Variants in CNTN5 observed in about 807,000 individuals in gnomAD.
CNTN5 encodes the protein contactin-5.
A neutral mutation model predicts 129.1 loss-of-function variants in CNTN5; 77 were observed. The ratio of observed to expected loss-of-function variants is 0.60; its 90% CI spans 0.50 to 0.72. The LOEUF is 0.72. Among genes scored for constraint, CNTN5 ranks in the 30% least tolerant of loss-of-function variants. The pLI, the probability that CNTN5 is intolerant of heterozygous loss-of-function variation, is 0.00. For synonymous variants in CNTN5, 509 were observed against 465.6 expected (o/e 1.09, Z -1.20); for missense variants, 1,478 against 1,328.8 (o/e 1.11, Z -1.75).
At chr11:99,721,134 ATTAT>A (rs1353818343) in intron 3 of CNTN5, among the ~76,000 whole-genome samples, 3 of 152,166 alleles carry the variant, frequency 2.0e-5, no homozygotes, top group Admixed American at 1.3e-4. Context: ...ACTAGAGAAA[ATTAT>A]TTTAAAATTC....
At chr11:99,600,609 G>A (rs1185254202) in intron 3 of CNTN5, among the ~76,000 whole-genome samples, 1 of 151,990 alleles carries the variant, frequency 6.6e-6, no homozygotes, top group East Asian at 1.9e-4. Context: ...GGAGGATTGG[G>A]GTACTGTTCT....
intron 3 of CNTN5, among the ~76,000 whole-genome samples, chr11:99,782,208 G>A (rs1452900182): frequency 3.4e-5 from 5 of 147,436 alleles, no homozygotes; most frequent in Non-Finnish European, 7.5e-5. Flanking sequence ...GCCAAATCAT[G>A]AGTGAACTCC....
intron 21 of CNTN5, among the ~76,000 whole-genome samples, chr11:100,339,108 A>G (rs1952101683): frequency 6.6e-6 from 1 of 151,700 alleles, no homozygotes; most frequent in Non-Finnish European, 1.5e-5. Flanking sequence ...GGGTTACAGC[A>G]TTCTCTTAGT....
chr11:99,782,827 T>A, intron 3 of CNTN5, among the ~76,000 whole-genome samples: 1 of 151,716 alleles, frequency 6.6e-6, no homozygotes, highest in Non-Finnish European at 1.5e-5. Context: ...AAAAATCAAT[T>A]CAAGATGGAT....
chr11:99,061,380 A>G (rs1197295571), intron 1 of CNTN5, among the ~76,000 whole-genome samples: 1 of 152,128 alleles, frequency 6.6e-6, no homozygotes, highest in African/African-American at 2.4e-5. Context: ...CTGTATCAGC[A>G]GCAGTGGTAG....
chr11:99,550,481 C>G (rs1948446183), intron 2 of CNTN5, among the ~76,000 whole-genome samples: 2 of 152,060 alleles, frequency 1.3e-5, no homozygotes, highest in Admixed American at 1.3e-4. Flanking sequence ...CAACCTTATT[C>G]AGCCTTTCAA....
At chr11:99,833,614 A>G (rs911716635) in intron 4 of CNTN5, among the ~76,000 whole-genome samples, 3 of 152,190 alleles carry the variant, frequency 2.0e-5, no homozygotes, top group East Asian at 3.8e-4. Context: ...TTTTTGAATT[A>G]TAATATTTTA....
chr11:100,207,740 T>C (rs1948946069), intron 15 of CNTN5, among the ~76,000 whole-genome samples: 1 of 152,206 alleles, frequency 6.6e-6, no homozygotes, highest in South Asian at 2.1e-4. Context: ...TAAGGGACCC[T>C]GTGACATGCT....
At chr11:99,214,539 A>T (rs772926065) in intron 1 of CNTN5, among the ~76,000 whole-genome samples, 1 of 151,614 alleles carries the variant, frequency 6.6e-6, no homozygotes, top group Non-Finnish European at 1.5e-5. Flanking sequence ...ATTGTTTAGG[A>T]CCTTTTATTT....
At position 99,365,779 on chromosome 11, in the gene CNTN5, G is replaced by T. The variant is rs554033455; in HGVS notation, c.-71+40295G>T. 1.3e-3 allele frequency among the ~76,000 whole-genome samples: 198 copies of T among 152,172 alleles called. 1 individual carries two copies. The highest frequency in any genetic ancestry group is 2.5e-3 in the South Asian group (12 of 4,826). ...GTCTCTTAGTAAACATTTAGTGAATGGATATATTATGCTATTTTTGAGACA... is the reference window on the plus strand; with the variant it reads ...GTCTCTTAGTAAACATTTAGTGAATTGATATATTATGCTATTTTTGAGACA... On this transcript the variant is annotated intron_variant, in intron 2 of 24. Transcript: ENST00000524871.
At chr11:100,211,885 C>T (rs1011794072) in intron 15 of CNTN5, among the ~76,000 whole-genome samples, 1 of 152,062 alleles carries the variant, frequency 6.6e-6, no homozygotes, top group Non-Finnish European at 1.5e-5. Context: ...GATATATTCA[C>T]CAGTAATGTT....
chr11:100,308,294 A>G, intron 20 of CNTN5, 65 bp from the exon 21 acceptor site: 1 of 1,417,646 alleles, frequency 7.1e-7, no homozygotes, highest in Non-Finnish European at 9.7e-7. Flanking sequence ...CACCTGACAG[A>G]CTCAGGCGCA....
chr11:99,622,961 T>C (rs1374688249), intron 3 of CNTN5, among the ~76,000 whole-genome samples: 1 of 152,148 alleles, frequency 6.6e-6, no homozygotes, highest in East Asian at 1.9e-4. Flanking sequence ...TAAATTAGTG[T>C]CTGTCTCAAT....
chr11:100,173,825 C>G (rs1368973246), intron 13 of CNTN5, among the ~76,000 whole-genome samples: 1 of 152,058 alleles, frequency 6.6e-6, no homozygotes, highest in Non-Finnish European at 1.5e-5. Context: ...GGGACCACAA[C>G]AGAAGTTACA....
At chr11:99,778,384 T>G (rs904499512) in intron 3 of CNTN5, among the ~76,000 whole-genome samples, 2 of 152,014 alleles carry the variant, frequency 1.3e-5, no homozygotes, top group African/African-American at 4.8e-5. Flanking sequence ...GTGTTTAGAC[T>G]GTATGCTTTA....
At chr11:99,328,883 A>G (rs1188353768) in intron 2 of CNTN5, among the ~76,000 whole-genome samples, 3 of 143,736 alleles carry the variant, frequency 2.1e-5, no homozygotes, top group Non-Finnish European at 4.5e-5. Flanking sequence ...AAAAAAAAAA[A>G]AAAAAGAAAA....
rs548016490 is a variant in CNTN5, at chr11:99,316,896, T to C, written c.-209-8450T>C. Among the ~76,000 whole-genome samples, 4 of 152,184 alleles carry C rather than the reference T, an allele frequency of 2.6e-5. No individual in the cohort carries two copies. In the East Asian group the frequency reaches 7.8e-4, roughly 30 times the overall value. Reference sequence around the variant, plus strand: ...GGCTGCCAGCCAGGCTGCCAGGCTGTTTTTCATGGGTGTTACTCGACTGAC... The same window carrying C: ...GGCTGCCAGCCAGGCTGCCAGGCTGCTTTTCATGGGTGTTACTCGACTGAC... On this transcript the variant is annotated intron_variant, in intron 1 of 24. Coordinates refer to ENST00000524871, the MANE Select transcript of CNTN5 (RefSeq NM_014361.4).
At chr11:100,039,425 G>T (rs537474761) in intron 9 of CNTN5, among the ~76,000 whole-genome samples, 1 of 152,008 alleles carries the variant, frequency 6.6e-6, no homozygotes, top group African/African-American at 2.4e-5. Context: ...TTCAACTTTG[G>T]TGAATCTGAC....
chr11:99,979,953 A>T (rs941797706), intron 8 of CNTN5, among the ~76,000 whole-genome samples: 13 of 152,284 alleles, frequency 8.5e-5, no homozygotes, highest in African/African-American at 2.4e-4. Context: ...AACCAATTCA[A>T]AGGGTTATGA....
Sources: allele counts gnomAD v4.1 joint callset (sites outside exome capture counted in the v4.1 genomes callset), GRCh38; gene constraint gnomAD v4.1.1; transcripts MANE v1.5; gene names NCBI Gene and HGNC (gene_info 2026-07-23, HGNC 2026-07-21).